Variants in AP4S1 observed in about 807,000 individuals in gnomAD.
AP4S1 encodes the protein adaptor related protein complex 4 subunit sigma 1.
A neutral mutation model predicts 19.8 loss-of-function variants in AP4S1; 23 were observed. The ratio of observed to expected loss-of-function variants is 1.16; its 90% CI spans 0.84 to 1.65. AP4S1 has a LOEUF of 1.65. Ranked by LOEUF, AP4S1 falls within the 40% of genes most tolerant of loss-of-function variation. The pLI is 0.00. For missense variants in AP4S1, 166 were observed against 172.8 expected, an observed-to-expected ratio of 0.96 and a Z score of 0.22; for synonymous variants, 46 against 54.1, an observed-to-expected ratio of 0.85 and a Z score of 0.66.
chr14:31,060,343 T>C (rs1329924581), intron 1 of AP4S1, among the ~76,000 whole-genome samples: 2 of 152,046 alleles, frequency 1.3e-5, no homozygotes, highest in Admixed American at 6.6e-5. Context: ...CTCAGGGCAG[T>C]CCCGGAAACA....
upstream of AP4S1, chr14:31,025,605 AG>A (rs1883797691): frequency 4.2e-6 from 2 of 472,106 alleles, no homozygotes; most frequent in Non-Finnish European, 7.7e-6. Flanking sequence ...CAAGCCCCGG[AG>A]GCCCGGGAAG....
chr14:31,028,586 T>TAC (rs1337883358), intron 1 of AP4S1, among the ~76,000 whole-genome samples: 3 of 127,518 alleles, frequency 2.4e-5, no homozygotes, highest in African/African-American at 6.0e-5. Context: ...CTCAAAGACA[T>TAC]ACACACACAT....
chr14:31,051,392 C>T (rs1418055623), intron 1 of AP4S1, among the ~76,000 whole-genome samples: 1 of 152,156 alleles, frequency 6.6e-6, no homozygotes, highest in Non-Finnish European at 1.5e-5. Context: ...AGAATTGTTG[C>T]AGGCACTGTG....
intron 1 of AP4S1, chr14:31,026,566 C>T (rs1162540509): frequency 1.1e-5 from 2 of 181,028 alleles, no homozygotes; most frequent in South Asian, 1.7e-4. Context: ...AGAACGCAGC[C>T]CGGGTCGCCG....
intron 4 of AP4S1, among the ~76,000 whole-genome samples, chr14:31,073,770 C>T (rs1001475001): frequency 6.6e-6 from 1 of 150,860 alleles, no homozygotes; most frequent in Non-Finnish European, 1.5e-5. Flanking sequence ...AAACTCCCCA[C>T]CTCAGGTGAT....
chr14:31,069,465 A>C (rs879643206), intron 2 of AP4S1, among the ~76,000 whole-genome samples: 81 of 152,324 alleles, frequency 5.3e-4, no homozygotes, highest in African/African-American at 1.8e-3. Flanking sequence ...TTCCAAAAAA[A>C]TCTTGGGGAG....
intron 1 of AP4S1, among the ~76,000 whole-genome samples, chr14:31,035,577 A>G (rs1315033740): frequency 1.3e-5 from 2 of 149,232 alleles, no homozygotes; most frequent in African/African-American, 5.1e-5. Flanking sequence ...AAAAGATGGT[A>G]ATTCCAAATC....
intron 1 of AP4S1, among the ~76,000 whole-genome samples, chr14:31,051,784 C>T (rs768394714): frequency 1.2e-4 from 18 of 152,258 alleles, no homozygotes; most frequent in Middle Eastern, 3.4e-3. Context: ...CCTCAGCCTC[C>T]AGAGTAGCTG....
intron 5 of AP4S1, 74 bp from the exon 6 acceptor site, chr14:31,092,833 T>C (rs1316332404): frequency 8.5e-7 from 1 of 1,182,124 alleles, no homozygotes; most frequent in Non-Finnish European, 1.2e-6. Context: ...GGGAACACTC[T>C]AGGTTAAGCC....
intron 1 of AP4S1, chr14:31,026,379 T>G: frequency 1.0e-5 from 2 of 195,060 alleles, no homozygotes; most frequent in Non-Finnish European, 9.5e-6. Flanking sequence ...CTCCTCCATC[T>G]GCCCGTCTCA....
At chr14:31,043,877 C>T (rs747010931) in intron 1 of AP4S1, among the ~76,000 whole-genome samples, 2 of 152,130 alleles carry the variant, frequency 1.3e-5, no homozygotes, top group Non-Finnish European at 2.9e-5. Context: ...AAAAGAATCT[C>T]GCAGTTGCCA....
At chr14:31,073,489 CAG>C (rs1411616039) in intron 4 of AP4S1, among the ~76,000 whole-genome samples, 7 of 147,162 alleles carry the variant, frequency 4.8e-5, no homozygotes, top group South Asian at 2.2e-4. Flanking sequence ...GACTCCGTCT[CAG>C]AAAAAAAAAA....
In AP4S1 at chr14:31,032,523, A is replaced by ATTTTT. The variant is rs775316642; in HGVS notation, c.-72+6747_-72+6751dup. Among the ~76,000 whole-genome samples the ATTTTT allele has an allele frequency of 2.1e-3, 287 of 138,982 alleles. 10 individuals carry two copies. In the East Asian group the frequency reaches 0.031, roughly 15 times the overall value. 91.2% of individuals were successfully genotyped at this position (138,982 alleles called of 152,430 possible). On this transcript the variant is annotated intron_variant, in intron 1 of 5. Transcript: ENST00000542754. ...CTGTAATTACTCACCCAGAATGTAC[A>ATTTTT]TTTTTTTTTTTTTTTGAGATGAAGT...
intron 5 of AP4S1, chr14:31,086,451 C>T (rs577955888): frequency 6.5e-6 from 1 of 152,738 alleles, no homozygotes; most frequent in Admixed American, 6.5e-5. Context: ...GAGACAGTCT[C>T]ACTCCAGGCT....
At chr14:31,088,447 CA>C (rs771247620) in intron 5 of AP4S1, among the ~76,000 whole-genome samples, 14 of 152,116 alleles carry the variant, frequency 9.2e-5, no homozygotes, top group Non-Finnish European at 1.9e-4. Context: ...AAACTTTAAG[CA>C]AAACCACAGC....
intron 1 of AP4S1, among the ~76,000 whole-genome samples, chr14:31,045,873 A>T (rs1017764533): frequency 6.6e-6 from 1 of 152,134 alleles, no homozygotes; most frequent in South Asian, 2.1e-4. Flanking sequence ...GGGTGGGGCC[A>T]GTCTAGGAAA....
rs376411467 is a variant in AP4S1 at position 31,072,940 on chromosome 14, T to A, written c.261T>A (p.Phe87Leu). 1 of 1,613,908 alleles carries A rather than the reference T, an allele frequency of 6.2e-7. No homozygotes were observed. The highest frequency in any genetic ancestry group is 1.3e-5 in the African/African-American group (1 of 74,934). ...EMAIYEFIHN[F>L]VEVLDEYFSR... is the part of the protein sequence containing the mutation. ...CTATTTATGAATTCATTCATAACTTTGTGGAAGTTTTAGATGAGTATTTCA... is the reference window on the plus strand; with the variant it reads ...CTATTTATGAATTCATTCATAACTTAGTGGAAGTTTTAGATGAGTATTTCA... The change falls in exon 4 of 6, where the codon TTT becomes TTA. Residue 87 changes from phenylalanine to leucine, a missense_variant. Transcript: ENST00000542754.
rs1888111875 is a variant in AP4S1, at chr14:31,092,866, T to TA, written c.307-39dup. 15 of 1,430,152 alleles carry TA rather than the reference T, an allele frequency of 1.0e-5. No homozygotes were observed. The South Asian group carries it at 2.1e-4, about 20-fold the overall frequency. 88.6% of individuals were successfully genotyped at this position (1,430,152 alleles called of 1,614,324 possible). ...GCCATAAATTTTTACTGAATGTTAA[T>TA]AATTTTTAACTTTAAACTAATTTCC... is the stretch of plus-strand genomic sequence containing the variant. On this transcript the variant is annotated intron_variant, in intron 5 of 5. Transcript: ENST00000542754.
intron 1 of AP4S1, among the ~76,000 whole-genome samples, chr14:31,039,640 T>G (rs927321326): frequency 5.4e-5 from 8 of 149,410 alleles, no homozygotes; most frequent in African/African-American, 2.0e-4. Flanking sequence ...TGGCGCGATC[T>G]CGACTCACTG....
Sources: gnomAD v4.1 joint callset for allele counts (sites outside exome capture counted in the v4.1 genomes callset) on GRCh38, gnomAD v4.1.1 for gene constraint, MANE v1.5 for transcripts, NCBI Gene and HGNC (gene_info 2026-07-23, HGNC 2026-07-21) for gene names.